Variants in HS6ST2 observed in about 807,000 individuals in gnomAD.
HS6ST2 encodes the protein heparan sulfate 6-O-sulfotransferase 2, also known as heparan-sulfate 6-O-sulfotransferase 2.
In HS6ST2, 17 loss-of-function variants were observed where a neutral mutation model predicts 33.0. That is an observed-to-expected ratio of 0.52 (90% CI 0.35 to 0.77). HS6ST2 has a LOEUF of 0.77. HS6ST2 is among the 30% of genes least tolerant of loss of function. The pLI is 0.01. For missense variants in HS6ST2, 519 were observed against 551.7 expected (o/e 0.94, Z 0.59); for synonymous variants, 248 against 237.1 (o/e 1.05, Z -0.42).
At chrX:132,675,836 G>A (rs1200597879) in intron 3 of HS6ST2, among the ~76,000 whole-genome samples, 1 of 107,237 alleles carries the variant, frequency 9.3e-6, no homozygotes, top group African/African-American at 3.4e-5. Context: ...TTTTTTACAT[G>A]ATTCCCTTCC....
chrX:132,727,236 TG>T (rs5903834), intron 2 of HS6ST2, among the ~76,000 whole-genome samples: 8,871 of 83,330 alleles, frequency 0.11, 477 homozygotes, highest in East Asian at 0.4. Flanking sequence ...CTAGCATTAT[TG>T]GGGGGGGGGG....
At chrX:132,918,906 G>A in intron 2 of HS6ST2, among the ~76,000 whole-genome samples, 1 of 112,560 alleles carries the variant, frequency 8.9e-6, no homozygotes, top group Middle Eastern at 4.6e-3. Flanking sequence ...CATGCTAACA[G>A]AGGGGAACAA....
chrX:132,872,655 T>C (rs2066073442), intron 2 of HS6ST2, among the ~76,000 whole-genome samples: 1 of 111,856 alleles, frequency 8.9e-6, no homozygotes, highest in African/African-American at 3.2e-5. Context: ...TATTATTTAA[T>C]ACATACAGTG....
intron 3 of HS6ST2, among the ~76,000 whole-genome samples, chrX:132,684,430 G>A (rs1366902411): frequency 9.2e-6 from 1 of 109,034 alleles, no homozygotes; most frequent in African/African-American, 3.3e-5. Flanking sequence ...AATAGCAGCT[G>A]GGGATACCAC....
chrX:132,826,631 TTA>T (rs1227329348), intron 2 of HS6ST2, among the ~76,000 whole-genome samples: 2 of 108,831 alleles, frequency 1.8e-5, no homozygotes, highest in Non-Finnish European at 3.8e-5. Context: ...ATGGCTCACA[TTA>T]TATATATATA....
At position 132,627,302 on chromosome X, in the gene HS6ST2, A is replaced by T. The variant is rs1001421232; in HGVS notation, c.*921T>A. On this transcript the variant is annotated 3_prime_UTR_variant, in exon 5 of 5. Transcript: ENST00000370833. Reference sequence around the variant, plus strand: ...AAGAAAGTCCTGACTTTAATCCAGGATTATATACCACAATAACTTCAGCAA... The same window carrying T: ...AAGAAAGTCCTGACTTTAATCCAGGTTTATATACCACAATAACTTCAGCAA... The T allele has an allele frequency of 1.8e-5, 2 of 112,518 alleles. No individual in the cohort carries two copies. The highest frequency in any genetic ancestry group is 4.2e-3 in the Middle Eastern group (1 of 237). The allele number at this position is 112,518 out of a possible 1,213,427, so 9.3% of individuals were successfully genotyped here.
rs11348383 is a variant in HS6ST2 at position 132,669,508 on chromosome X, T to TA, written c.981-310dup. On this transcript the variant is annotated intron_variant, in intron 3 of 4. Transcript: ENST00000370833. ...CAGGCCCCAAGGGGGCCTCTAGTTT[T>TA]AAAAAAAAAAGTATAAAAATAACTA... The TA allele has an allele frequency of 4.0e-4, 63 of 157,867 alleles. No homozygotes were observed. In the Middle Eastern group the frequency reaches 9.2e-3, roughly 23 times the overall value. The allele number at this position is 157,867 out of a possible 1,213,427, so 13.0% of individuals were successfully genotyped here.
At chrX:132,664,990 A>T (rs1021653623) in intron 4 of HS6ST2, among the ~76,000 whole-genome samples, 1 of 111,976 alleles carries the variant, frequency 8.9e-6, no homozygotes, top group Admixed American at 9.5e-5. Context: ...CTATTGCTTC[A>T]TTGATGGAGT....
upstream of HS6ST2, among the ~76,000 whole-genome samples, chrX:132,959,362 A>G (rs751927375): frequency 4.3e-3 from 486 of 112,357 alleles, 1 homozygote; most frequent in Non-Finnish European, 7.9e-3. Flanking sequence ...GTCTGTCCCC[A>G]TCTGATTGAT....
intron 2 of HS6ST2, among the ~76,000 whole-genome samples, chrX:132,797,864 T>C (rs987934207): frequency 9.2e-6 from 1 of 108,570 alleles, no homozygotes; most frequent in African/African-American, 3.4e-5. Context: ...AAATACAAAA[T>C]TAGCTGGGCA....
intron 2 of HS6ST2, among the ~76,000 whole-genome samples, chrX:132,856,251 C>T (rs1008406624): frequency 8.9e-6 from 1 of 112,285 alleles, no homozygotes; most frequent in Non-Finnish European, 1.9e-5. Flanking sequence ...AAAAAGACTA[C>T]ATTCATATAA....
chrX:132,654,079 C>G (rs762029651), intron 4 of HS6ST2, among the ~76,000 whole-genome samples: 1 of 111,168 alleles, frequency 9.0e-6, no homozygotes. Context: ...GCTAACAATA[C>G]TTGATTTTAT....
intron 2 of HS6ST2, among the ~76,000 whole-genome samples, chrX:132,809,374 C>A (rs867578111): frequency 2.8e-4 from 31 of 112,257 alleles, no homozygotes; most frequent in African/African-American, 9.7e-4. Flanking sequence ...ATTTACTTAT[C>A]CTGCTCAATC....
At chrX:132,843,258 T>A (rs2065722940) in intron 2 of HS6ST2, among the ~76,000 whole-genome samples, 1 of 112,395 alleles carries the variant, frequency 8.9e-6, no homozygotes, top group Non-Finnish European at 1.9e-5. Flanking sequence ...CAAAAACAAA[T>A]AATTGATCAT....
At chrX:132,675,240 C>T (rs921426183) in intron 3 of HS6ST2, among the ~76,000 whole-genome samples, 1 of 110,198 alleles carries the variant, frequency 9.1e-6, no homozygotes, top group Non-Finnish European at 1.9e-5. Context: ...GGCAGATGTG[C>T]GGTCATTGCT....
intron 2 of HS6ST2, among the ~76,000 whole-genome samples, chrX:132,807,387 T>C (rs2065294477): frequency 9.1e-6 from 1 of 110,380 alleles, no homozygotes; most frequent in Non-Finnish European, 1.9e-5. Context: ...CTTAAAAAGC[T>C]TGATTCTTCT....
intron 2 of HS6ST2, among the ~76,000 whole-genome samples, chrX:132,829,704 T>G (rs990449939): frequency 1.8e-5 from 2 of 111,416 alleles, no homozygotes; most frequent in African/African-American, 6.5e-5. Flanking sequence ...CATTTCCAGA[T>G]GTCTCTTCTG....
At chrX:132,636,562 G>A (rs1056734396) in intron 4 of HS6ST2, among the ~76,000 whole-genome samples, 12 of 112,196 alleles carry the variant, frequency 1.1e-4, no homozygotes, top group African/African-American at 3.9e-4. Context: ...GGAAACCTTT[G>A]AGACAGTAAA....
At chrX:132,637,816 A>ATATATATAATATTATATATAATATTT in intron 4 of HS6ST2, among the ~76,000 whole-genome samples, 1 of 62,761 alleles carries the variant, frequency 1.6e-5, no homozygotes, top group East Asian at 4.4e-4. Flanking sequence ...ATATTATTTT[A>ATATATATAATATTATATATAATATTT]TATATATAAT....
Sources: allele counts gnomAD v4.1 joint callset (sites outside exome capture counted in the v4.1 genomes callset), GRCh38; gene constraint gnomAD v4.1.1; transcripts MANE v1.5; gene names NCBI Gene and HGNC (gene_info 2026-07-23, HGNC 2026-07-21).